The following RANBP17 variants were observed in gnomAD, a reference collection of about 807,000 sequenced individuals.
The protein encoded by RANBP17 is RAN binding protein 17, also known as ran-binding protein 17.
Under a neutral mutation model 141.2 loss-of-function variants are expected in RANBP17, and 158 were observed. The ratio of observed to expected loss-of-function variants is 1.12; its 90% CI spans 0.98 to 1.28. The LOEUF (loss-of-function observed/expected upper bound fraction) is 1.28. Ranked by LOEUF, RANBP17 falls within the 50% of genes most tolerant of loss-of-function variation. The pLI, the probability that RANBP17 is intolerant of heterozygous loss-of-function variation, is 0.00. For missense variants in RANBP17, 1,438 were observed against 1,290.7 expected (o/e 1.11, Z -1.75); for synonymous variants, 430 against 450.0 (o/e 0.96, Z 0.56).
chr5:170,881,773 T>G (rs762277499), intron 2 of RANBP17, 33 bp from the exon 3 acceptor site: 1 of 1,384,072 alleles, frequency 7.2e-7, no homozygotes, highest in Non-Finnish European at 9.9e-7. Flanking sequence ...TAATTTCATT[T>G]ATGATAATAA....
Position 171,293,899 on chromosome 5 carries a change from T to C in RANBP17, c.2960T>C (p.Met987Thr), listed in dbSNP as rs1768660645. ...DVLQQMMSVL[M>T]NTIVFEDCRN... ...ATCTTCTAGATGATGTCTGTCCTCA[T>C]GAACACCATTGTCTTTGAAGACTGT... The change falls in exon 26 of 28, where the codon ATG becomes ACG. Residue 987 changes from methionine (M) to threonine (T), a missense_variant. Transcript: ENST00000523189. 1.2e-6 allele frequency: 2 copies of C among 1,613,434 alleles called. No individual in the cohort carries two copies. The highest frequency in any genetic ancestry group is 1.7e-6 in the Non-Finnish European group (2 of 1,179,372).
intron 11 of RANBP17, among the ~76,000 whole-genome samples, chr5:170,920,534 T>G (rs1455137726): frequency 1.3e-5 from 2 of 152,002 alleles, no homozygotes; most frequent in African/African-American, 4.8e-5. Flanking sequence ...TATATTGAGA[T>G]TTGAGCAGTC....
At chr5:170,938,368 C>T (rs936514379) in intron 12 of RANBP17, among the ~76,000 whole-genome samples, 2 of 152,128 alleles carry the variant, frequency 1.3e-5, no homozygotes, top group Non-Finnish European at 2.9e-5. Context: ...CTTGGAAATC[C>T]TGCAGATTAA....
At chr5:171,240,815 T>G in intron 22 of RANBP17, 113 bp from the exon 23 acceptor site, 1 of 641,636 alleles carries the variant, frequency 1.6e-6, no homozygotes, top group Non-Finnish European at 2.6e-6. Flanking sequence ...TTCTTAAAAA[T>G]ATGCTGGGAG....
chr5:171,155,452 A>T (rs1018971313), intron 14 of RANBP17, among the ~76,000 whole-genome samples: 3 of 152,108 alleles, frequency 2.0e-5, no homozygotes, highest in Non-Finnish European at 4.4e-5. Context: ...ATTTACTATT[A>T]AAAAAGAAGC....
At chr5:171,159,935 A>AG (rs1474427827) in intron 14 of RANBP17, among the ~76,000 whole-genome samples, 1 of 150,168 alleles carries the variant, frequency 6.7e-6, no homozygotes, top group Non-Finnish European at 1.5e-5. Context: ...AAAAAAAAAA[A>AG]AAAAAAGAAA....
intron 14 of RANBP17, among the ~76,000 whole-genome samples, chr5:171,113,951 C>T (rs184023814): frequency 1.3e-5 from 2 of 152,116 alleles, no homozygotes; most frequent in Non-Finnish European, 2.9e-5. Flanking sequence ...TGTAAAACAG[C>T]ACCACTCTAA....
intron 4 of RANBP17, among the ~76,000 whole-genome samples, chr5:170,893,609 C>T (rs1769841000): frequency 6.6e-6 from 1 of 151,788 alleles, no homozygotes; most frequent in South Asian, 2.1e-4. Context: ...CTGGCTAACA[C>T]GGTGAAACCC....
At chr5:170,920,954 A>G (rs1473021102) in intron 11 of RANBP17, among the ~76,000 whole-genome samples, 1 of 151,912 alleles carries the variant, frequency 6.6e-6, no homozygotes, top group Non-Finnish European at 1.5e-5. Context: ...TTTTTCTTGT[A>G]AATTTGTTTA....
chr5:170,930,778 T>A (rs146765766), intron 12 of RANBP17, among the ~76,000 whole-genome samples: 1 of 152,192 alleles, frequency 6.6e-6, no homozygotes, highest in African/African-American at 2.4e-5. Flanking sequence ...CCATGGTGTA[T>A]GTGTGTCACA....
At chr5:171,080,680 T>G (rs558733348) in intron 14 of RANBP17, among the ~76,000 whole-genome samples, 1 of 152,156 alleles carries the variant, frequency 6.6e-6, no homozygotes, top group African/African-American at 2.4e-5. Context: ...GACGTTGGTG[T>G]TTTTTGCTGC....
At chr5:171,223,938 C>G (rs1418117279) in intron 22 of RANBP17, among the ~76,000 whole-genome samples, 1 of 152,174 alleles carries the variant, frequency 6.6e-6, no homozygotes, top group Non-Finnish European at 1.5e-5. Flanking sequence ...GGCTAGTTTT[C>G]TTTTGTATAA....
chr5:171,272,895 G>C (rs963755387), intron 25 of RANBP17, among the ~76,000 whole-genome samples: 3 of 152,082 alleles, frequency 2.0e-5, no homozygotes, highest in Non-Finnish European at 4.4e-5. Context: ...CACCAAGACA[G>C]ACCTAACCAA....
intron 14 of RANBP17, among the ~76,000 whole-genome samples, chr5:171,072,295 T>A (rs1784677666): frequency 1.3e-5 from 2 of 152,164 alleles, no homozygotes; most frequent in Admixed American, 6.6e-5. Context: ...ACAGTCCTAC[T>A]GACACCTTAA....
chr5:170,980,522 T>C (rs1484974219), intron 14 of RANBP17, among the ~76,000 whole-genome samples: 2 of 152,168 alleles, frequency 1.3e-5, no homozygotes, highest in Admixed American at 1.3e-4. Flanking sequence ...GTGCCCTGTG[T>C]CGCAGCTGCT....
chr5:171,116,733 C>T (rs1263812352), intron 14 of RANBP17, among the ~76,000 whole-genome samples: 2 of 152,154 alleles, frequency 1.3e-5, no homozygotes, highest in Non-Finnish European at 2.9e-5. Flanking sequence ...AGCCATTCTA[C>T]TATAGTTAGA....
At chr5:171,114,240 T>C (rs1415684277) in intron 14 of RANBP17, among the ~76,000 whole-genome samples, 4 of 152,150 alleles carry the variant, frequency 2.6e-5, no homozygotes, top group Non-Finnish European at 5.9e-5. Context: ...AACCTCATAT[T>C]TCAGAACCTT....
intron 8 of RANBP17, 130 bp downstream of exon 8, chr5:170,914,370 T>G: frequency 1.5e-6 from 1 of 648,980 alleles, no homozygotes; most frequent in Non-Finnish European, 2.7e-6. Flanking sequence ...TTATATTTTC[T>G]GGGATGTATA....
intron 14 of RANBP17, among the ~76,000 whole-genome samples, chr5:171,051,121 C>T (rs963633318): frequency 1.3e-4 from 20 of 151,904 alleles, no homozygotes; most frequent in Non-Finnish European, 2.5e-4. Flanking sequence ...TTTTCTTGGC[C>T]TTAGTTTTCA....
Sources: gnomAD v4.1 joint callset for allele counts (sites outside exome capture counted in the v4.1 genomes callset) on GRCh38, gnomAD v4.1.1 for gene constraint, MANE v1.5 for transcripts, NCBI Gene and HGNC (gene_info 2026-07-23, HGNC 2026-07-21) for gene names.